Variants in CNTN2 observed in about 807,000 individuals in gnomAD.
CNTN2 encodes contactin 2.
In CNTN2, 53 loss-of-function variants were observed where a neutral mutation model predicts 117.5. The ratio of observed to expected loss-of-function variants is 0.45; its 90% CI spans 0.36 to 0.57. The LOEUF (loss-of-function observed/expected upper bound fraction) is 0.57. CNTN2 is among the 20% of genes least tolerant of loss of function. The pLI, the probability that CNTN2 is intolerant of heterozygous loss-of-function variation, is 0.00. For synonymous variants in CNTN2, 530 were observed against 561.7 expected (o/e 0.94, Z 0.80); for missense variants, 1,106 against 1,404.3 (o/e 0.79, Z 3.39).
At chr1:205,062,373 T>C in intron 9 of CNTN2, 67 bp from the exon 10 acceptor site, 2 of 1,549,776 alleles carry the variant, frequency 1.3e-6, no homozygotes, top group Middle Eastern at 2.0e-4. Flanking sequence ...CTCCCACCCC[T>C]GCCAACCCCT....
At chr1:205,045,191 C>T (rs529267334) in intron 1 of CNTN2, among the ~76,000 whole-genome samples, 3 of 152,254 alleles carry the variant, frequency 2.0e-5, no homozygotes, top group Non-Finnish European at 2.9e-5. Flanking sequence ...CTCTCATTCC[C>T]GGCTCTTTCT....
Position 205,059,223 on chromosome 1 carries a change from C to T in CNTN2, c.627C>T (p.Ala209=). ...ACCTGGGCAACTACTCCTGTTTGGC[C>T]ACCAGCCACATGGACTTCTCCACCA... The part of the protein sequence containing the change: ...ASDLGNYSCL[A]TSHMDFSTKS... The change falls in exon 6 of 23, where the codon GCC becomes GCT. Residue 209 remains alanine (A), a synonymous_variant. Coordinates refer to ENST00000331830, the MANE Select transcript of CNTN2 (RefSeq NM_005076.5). The surrounding 1 kb of genome is among the most constrained non-coding windows in gnomAD (Gnocchi z 5.6). 1.2e-6 allele frequency: 2 copies of T among 1,614,240 alleles called. No individual in the cohort carries two copies. The highest frequency in any genetic ancestry group is 1.7e-6 in the Non-Finnish European group (2 of 1,180,042).
At position 205,069,570 on chromosome 1, in the gene CNTN2, C is replaced by T. The variant is rs1338053286; in HGVS notation, c.2196+9C>T. ...TCATCGTCAACTGGACGGTAAGCTG[C>T]AAGGGTCAGATGTCCTCCTCCTCCT... On this transcript the variant is annotated intron_variant, in intron 17 of 22. Transcript: ENST00000331830. 1.9e-6 allele frequency: 3 copies of T among 1,612,014 alleles called. No individual in the cohort carries two copies. Among genetic ancestry groups the T allele is most frequent in the Non-Finnish European group, 8.5e-7 (1 of 1,179,874 alleles).
In CNTN2 at chr1:205,059,352, GA is replaced by G. The variant is rs1382755466; in HGVS notation, c.697+63del. 6 of 1,519,700 alleles carry G rather than the reference GA, an allele frequency of 3.9e-6. No homozygotes were observed. In the Admixed American group the frequency reaches 1.1e-4, roughly 28 times the overall value. The allele number at this position is 1,519,700 out of a possible 1,614,324, so 94.1% of individuals were successfully genotyped here. A position where few individuals can be genotyped will look rare whatever the true frequency, so the allele number is the denominator to read the frequency against. ...AACTGGAAGGGTCAGCGGGCATTAG[GA>G]AAAGGGTTTTTCCTTTGGAGATTGG... On this transcript the variant is annotated intron_variant, in intron 6 of 22. Coordinates refer to ENST00000331830, the MANE Select transcript of CNTN2 (RefSeq NM_005076.5). This position sits in a 1 kb window ranked among gnomAD's most constrained non-coding sequence, Gnocchi z 5.6.
rs1246001866 is a variant in CNTN2, at chr1:205,066,533, C to T, written c.1909C>T (p.Pro637Ser). 2.5e-6 allele frequency: 4 copies of T among 1,613,990 alleles called. No homozygotes were observed. The highest frequency in any genetic ancestry group is 3.4e-6 in the Non-Finnish European group (4 of 1,180,038). ...GAGCCGTGGCTTCGACAACCACAGC[C>T]CCATCGCTAAGTACACCCTGCAAGC... ...SWSRGFDNHS[P>S]IAKYTLQART... The change falls in exon 15 of 23, where the codon CCC becomes TCC. Residue 637 changes from proline (P) to serine (S), a missense_variant. Physicochemically the swap from Pro to Ser is moderately conservative, Grantham distance 74. Transcript: ENST00000331830.
intron 1 of CNTN2, among the ~76,000 whole-genome samples, chr1:205,049,220 A>G (rs577125257): frequency 2.0e-5 from 3 of 150,992 alleles, no homozygotes; most frequent in South Asian, 4.2e-4. Context: ...CGAAGGATCT[A>G]TGATGCAAAC....
chr1:205,054,377 A>G (rs905123134), intron 2 of CNTN2, among the ~76,000 whole-genome samples: 3 of 152,206 alleles, frequency 2.0e-5, no homozygotes, highest in African/African-American at 7.2e-5. Context: ...GCTGGGAAAC[A>G]GGGCTGACTC....
At position 205,074,646 on chromosome 1, in the gene CNTN2, G is replaced by A; in HGVS notation, c.*881G>A. 2.5e-6 allele frequency: 1 copy of A among 399,044 alleles called. No homozygotes were observed. 24.7% of individuals were successfully genotyped at this position (399,044 alleles called of 1,614,324 possible). ...GACCCATTCTGCACAGTCCCTCCAG[G>A]GTTTGGGCAGGAGATGGCCAATCAT... is the stretch of plus-strand genomic sequence containing the variant. On this transcript the variant is annotated 3_prime_UTR_variant, in exon 23 of 23. Transcript: ENST00000331830.
intron 14 of CNTN2, 188 bp downstream of exon 14, chr1:205,066,097 C>T (rs1654275931): frequency 1.3e-6 from 1 of 751,458 alleles, no homozygotes; most frequent in African/African-American, 1.8e-5. Context: ...CATTTTTCTT[C>T]CAAAGTCAAA....
chr1:205,045,819 C>T (rs2096440658), intron 1 of CNTN2, among the ~76,000 whole-genome samples: 1 of 152,162 alleles, frequency 6.6e-6, no homozygotes, highest in Non-Finnish European at 1.5e-5. Flanking sequence ...GTGGGGCAGT[C>T]TCCTTTCAGA....
intron 1 of CNTN2, among the ~76,000 whole-genome samples, chr1:205,051,560 C>T (rs3767286): frequency 6.6e-6 from 1 of 151,882 alleles, no homozygotes; most frequent in Non-Finnish European, 1.5e-5. Context: ...GCCTGTCAAT[C>T]GGAAGTGGAT....
rs1654746915 is a variant in CNTN2 at position 205,074,169 on chromosome 1, A to G, written c.*404A>G. The G allele has an allele frequency of 6.5e-6, 3 of 464,742 alleles. No homozygotes were observed. The allele number at this position is 464,742 out of a possible 1,614,324, so 28.8% of individuals were successfully genotyped here. On this transcript the variant is annotated 3_prime_UTR_variant, in exon 23 of 23. Transcript: ENST00000331830. ...CCTAGGCCCGGCAGGAACACCAGAC[A>G]TGAACAGGTTGAAGAACTGGAGCGA...
intron 17 of CNTN2, 58 bp downstream of exon 17, chr1:205,069,619 C>A: frequency 6.4e-7 from 1 of 1,572,738 alleles, no homozygotes. Flanking sequence ...CCCGCTTGAG[C>A]AGCTGCAGAA....
At position 205,072,053 on chromosome 1, in the gene CNTN2, AC is replaced by A; in HGVS notation, c.2653del (p.His885MetfsTer2). ...AGCGGCCTGCATCCCAACACCAAGT[AC>A]CATGTGACCGTGAGGGCCTACAACC... ...RVSGLHPNTK[Y>X]HVTVRAYNRA... On this transcript the variant is annotated frameshift_variant, in exon 20 of 23. Coordinates refer to ENST00000331830, the MANE Select transcript of CNTN2 (RefSeq NM_005076.5). LOFTEE classifies it high-confidence loss of function. 6.2e-7 allele frequency: 1 copy of A among 1,614,124 alleles called. No individual in the cohort carries two copies. Among genetic ancestry groups the A allele is most frequent in the Non-Finnish European group, 8.5e-7 (1 of 1,180,012 alleles).
chr1:205,066,036 C>T, intron 14 of CNTN2, 127 bp downstream of exon 14: 1 of 1,145,776 alleles, frequency 8.7e-7, no homozygotes, highest in East Asian at 2.6e-5. Context: ...GGCGGAACTC[C>T]TGTGAGCTGG....
chr1:205,049,281 G>GACACAC lies in CNTN2; in HGVS notation c.-86-3779_-86-3774dup, dbSNP rs3835569. On this transcript the variant is annotated intron_variant, in intron 1 of 22. Coordinates refer to ENST00000331830, the MANE Select transcript of CNTN2 (RefSeq NM_005076.5). ...GGCAAGGGGCTGAGTCCTCACACCC[G>GACACAC]ACACACACACACACACACACACACA... 2.7e-3 allele frequency among the ~76,000 whole-genome samples: 322 copies of GACACAC among 120,714 alleles called. 1 individual carries two copies. Among genetic ancestry groups the GACACAC allele is most frequent in the Admixed American group, 5.8e-3 (67 of 11,648 alleles). 79.2% of individuals were successfully genotyped at this position (120,714 alleles called of 152,430 possible).
chr1:205,047,313 G>A lies in CNTN2; in HGVS notation c.-87+3919G>A, dbSNP rs3753851. On this transcript the variant is annotated intron_variant, in intron 1 of 22. Coordinates refer to ENST00000331830, the MANE Select transcript of CNTN2 (RefSeq NM_005076.5). ...TGCCAGCTGCAGCCTGGCCTGGCCC[G>A]CTGAGATCCTAGCAGCCCTCACCCA... is the stretch of plus-strand genomic sequence containing the variant. Among the ~76,000 whole-genome samples the A allele has an allele frequency of 4.6e-5, 7 of 151,970 alleles. No individual in the cohort carries two copies. The East Asian group carries it at 7.7e-4, about 17-fold the overall frequency.
Position 205,065,792 on chromosome 1 carries a change from G to T in CNTN2, c.1699G>T (p.Glu567Ter), listed in dbSNP as rs867618155. The T allele has an allele frequency of 2.3e-6, 3 of 1,325,980 alleles. No homozygotes were observed. In the South Asian group the frequency reaches 3.4e-5, roughly 15 times the overall value. The allele number at this position is 1,325,980 out of a possible 1,614,324, so 82.1% of individuals were successfully genotyped here. Residue 567 changes from glutamate to a stop codon, truncating the protein, a stop_gained, in exon 14 of 23, where the codon GAG becomes TAG. Coordinates refer to ENST00000331830, the MANE Select transcript of CNTN2 (RefSeq NM_005076.5). LOFTEE classifies it high-confidence loss of function. The surrounding 1 kb of genome is among the most constrained non-coding windows in gnomAD (Gnocchi z 4.1). ...GGHYRRTNVK[E>*]TIGDLTILNA... is the part of the protein sequence containing the mutation. The stretch of plus-strand genomic sequence containing the variant: ...CCCTAACTGTCCCCGTGTGCAGAAG[G>T]AGACCATTGGGGATCTGACCATCCT...
rs757900942 is a variant in CNTN2, at chr1:205,058,741, A to T, written c.487+78A>T. On this transcript the variant is annotated intron_variant, in intron 5 of 22. Coordinates refer to ENST00000331830, the MANE Select transcript of CNTN2 (RefSeq NM_005076.5). The surrounding 1 kb of genome is among the most constrained non-coding windows in gnomAD (Gnocchi z 4.3). ...ATGCTTGGCAGAGGAAGGATGGAAT[A>T]AAAGGAGACCCCTGGAAATGACCCT... 2.6e-5 allele frequency: 29 copies of T among 1,133,722 alleles called. No homozygotes were observed. The highest frequency in any genetic ancestry group is 3.7e-5 in the Non-Finnish European group (29 of 784,918). 70.2% of individuals were successfully genotyped at this position (1,133,722 alleles called of 1,614,324 possible).
Sources: allele counts gnomAD v4.1 joint callset (sites outside exome capture counted in the v4.1 genomes callset), GRCh38; gene constraint gnomAD v4.1.1; non-coding constraint Gnocchi (gnomAD v3.1); transcripts MANE v1.5; gene names NCBI Gene and HGNC (gene_info 2026-07-23, HGNC 2026-07-21).